LHX2: variants seen among roughly 807,000 people sequenced by gnomAD.
LHX2 encodes LIM/homeobox protein Lhx2.
Under a neutral mutation model 33.0 loss-of-function variants are expected in LHX2, and 6 were observed. The ratio of observed to expected loss-of-function variants is 0.18; its 90% CI spans 0.10 to 0.36. LHX2 has a LOEUF of 0.36. LHX2 is among the 10% of genes least tolerant of loss of function. LHX2 has a pLI of 1.00. For missense variants in LHX2, 442 were observed against 586.2 expected, an observed-to-expected ratio of 0.75 and a Z score of 2.54; for synonymous variants, 292 against 253.1, an observed-to-expected ratio of 1.15 and a Z score of -1.46.
At position 124,021,183 on chromosome 9, in the gene LHX2, C is replaced by T; in HGVS notation, c.812C>T (p.Thr271Met). ...AGCCAGAAGACCAAGCGCATGCGCA[C>T]GTCCTTCAAGCACCACCAGCTTCGG... The part of the protein sequence containing the change: ...PSSQKTKRMR[T>M]SFKHHQLRTM... Residue 271 changes from threonine (T) to methionine (M), a missense_variant, in exon 4 of 5, where the codon ACG becomes ATG. Transcript: ENST00000373615. The T allele has an allele frequency of 6.2e-7, 1 of 1,614,228 alleles. No homozygotes were observed. Among genetic ancestry groups the T allele is most frequent in the Non-Finnish European group, 8.5e-7 (1 of 1,180,040 alleles).
At chr9:124,028,280 G>A (rs567679842) in intron 4 of LHX2, among the ~76,000 whole-genome samples, 7 of 152,298 alleles carry the variant, frequency 4.6e-5, no homozygotes, top group Admixed American at 2.0e-4. Context: ...GAGATCTACC[G>A]CGCACCAGGC....
At chr9:124,025,986 AAAAT>A (rs939795190) in intron 4 of LHX2, among the ~76,000 whole-genome samples, 16 of 152,098 alleles carry the variant, frequency 1.1e-4, no homozygotes, top group African/African-American at 2.4e-4. Context: ...CTCTGTCTCC[AAAAT>A]AAATAAATAA....
intron 4 of LHX2, among the ~76,000 whole-genome samples, chr9:124,030,279 A>G (rs890172752): frequency 6.6e-6 from 1 of 152,240 alleles, no homozygotes; most frequent in Non-Finnish European, 1.5e-5. Context: ...GCGTGGGGCC[A>G]GGAGTCAGCC....
rs770816002 is a variant in LHX2 at position 124,032,724 on chromosome 9, A to G, written c.*17A>G. ...CTTTTCTAATGACTCGCAACCCCTC[A>G]CCCCACAATTTCTTTAAAAAAGAAA... On this transcript the variant is annotated 3_prime_UTR_variant, in exon 5 of 5. Transcript: ENST00000373615. The surrounding 1 kb of genome is among the most constrained non-coding windows in gnomAD (Gnocchi z 4.1). 13 of 1,528,904 alleles carry G rather than the reference A, an allele frequency of 8.5e-6. No homozygotes were observed. In the East Asian group the frequency reaches 2.6e-4, roughly 31 times the overall value. 94.7% of individuals were successfully genotyped at this position (1,528,904 alleles called of 1,614,324 possible). A position where few individuals can be genotyped will look rare whatever the true frequency, so the allele number is the denominator to read the frequency against.
In LHX2 at chr9:124,014,242, T is replaced by C; in HGVS notation, c.323+79T>C. On this transcript the variant is annotated intron_variant, in intron 2 of 4. Transcript: ENST00000373615. This position sits in a 1 kb window ranked among gnomAD's most constrained non-coding sequence, Gnocchi z 4.8. ...AGTCTTACAGTTTGGCCCTCTCCTTTCCGTTTAGTCCCAGGAGAGGGTTCA... is the reference window on the plus strand; with the variant it reads ...AGTCTTACAGTTTGGCCCTCTCCTTCCCGTTTAGTCCCAGGAGAGGGTTCA... 1 of 898,490 alleles carries C rather than the reference T, an allele frequency of 1.1e-6. No homozygotes were observed. Among genetic ancestry groups the C allele is most frequent in the Non-Finnish European group, 1.8e-6 (1 of 566,074 alleles). The allele number at this position is 898,490 out of a possible 1,614,324, so 55.7% of individuals were successfully genotyped here.
chr9:124,013,821 C>G lies in LHX2; in HGVS notation c.121-140C>G, dbSNP rs114845025. The G allele has an allele frequency of 4.5e-3, 3,310 of 738,838 alleles. 81 individuals carry two copies. In the African/African-American group the frequency reaches 0.053, roughly 12 times the overall value. The allele number at this position is 738,838 out of a possible 1,614,324, so 45.8% of individuals were successfully genotyped here. ...ATGGGCCTTTTGGGGTGGGGGGAAG[C>G]GCGCCGCATGTCCTGGCAGCCCCCT... is the stretch of plus-strand genomic sequence containing the variant. On this transcript the variant is annotated intron_variant, in intron 1 of 4. Coordinates refer to ENST00000373615, the MANE Select transcript of LHX2 (RefSeq NM_004789.4).
rs1828715625 is a variant in LHX2, at chr9:124,032,534, G to A, written c.1048G>A (p.Ala350Thr). The change falls in exon 5 of 5, where the codon GCC (alanine) becomes ACC (threonine). Residue 350 changes from alanine to threonine, a missense_variant. Around this residue, in one of 5 missense-constraint regions of LHX2, gnomAD observed 109 missense variants for 98.7 expected, o/e 1.10. Transcript: ENST00000373615. This position sits in a 1 kb window ranked among gnomAD's most constrained non-coding sequence, Gnocchi z 4.1. ...ALQTGTPSGP[A>T]SELSNASLSP... The stretch of plus-strand genomic sequence containing the variant: ...GCAGACAGGGACGCCATCGGGCCCG[G>A]CCTCGGAGCTCTCCAACGCCTCGCT... 1.2e-6 allele frequency: 2 copies of A among 1,613,802 alleles called. No homozygotes were observed. The highest frequency in any genetic ancestry group is 2.2e-5 in the South Asian group (2 of 91,076).
rs769951908 is a variant in LHX2, at chr9:124,032,531, C to CCGGCCT, written c.1049_1054dup (p.Ala350_Ser351dup). On this transcript the variant is annotated inframe_insertion, in exon 5 of 5. Transcript: ENST00000373615. This position sits in a 1 kb window ranked among gnomAD's most constrained non-coding sequence, Gnocchi z 4.1. ...GCTGCAGACAGGGACGCCATCGGGCCCGGCCTCGGAGCTCTCCAACGCCTC... is the reference window on the plus strand; with the variant it reads ...GCTGCAGACAGGGACGCCATCGGGCCCGGCCTCGGCCTCGGAGCTCTCCAACGCCTC... The CCGGCCT allele has an allele frequency of 1.9e-6, 3 of 1,613,884 alleles. No individual in the cohort carries two copies. The highest frequency in any genetic ancestry group is 1.7e-6 in the Non-Finnish European group (2 of 1,180,018).
chr9:124,025,877 C>T (rs183803448), intron 4 of LHX2, among the ~76,000 whole-genome samples: 4 of 151,464 alleles, frequency 2.6e-5, no homozygotes, highest in African/African-American at 7.3e-5. Flanking sequence ...CCCAGGTACT[C>T]GGGAGGCTGA....
intron 3 of LHX2, among the ~76,000 whole-genome samples, chr9:124,018,653 C>T (rs890992285): frequency 2.0e-5 from 3 of 152,142 alleles, no homozygotes; most frequent in Non-Finnish European, 2.9e-5. Flanking sequence ...GCGCCTGTTT[C>T]CGGGACTCGC....
At chr9:124,026,253 G>T (rs1252503657) in intron 4 of LHX2, among the ~76,000 whole-genome samples, 1 of 152,008 alleles carries the variant, frequency 6.6e-6, no homozygotes, top group Non-Finnish European at 1.5e-5. Flanking sequence ...GAGGTCAGGA[G>T]TTCAAGACCA....
intron 4 of LHX2, 60 bp downstream of exon 4, chr9:124,021,364 C>A: frequency 2.0e-6 from 3 of 1,508,470 alleles, no homozygotes; most frequent in South Asian, 1.2e-5. Context: ...TGGAACCCTG[C>A]ACCCCTCGCC....
intron 4 of LHX2, among the ~76,000 whole-genome samples, chr9:124,030,751 C>A (rs1056729278): frequency 1.3e-5 from 2 of 150,694 alleles, no homozygotes; most frequent in Non-Finnish European, 2.9e-5. Flanking sequence ...TCTGTCTCAG[C>A]CTCCCGAGTA....
intron 1 of LHX2, among the ~76,000 whole-genome samples, chr9:124,013,369 C>T (rs894285553): frequency 4.6e-5 from 7 of 152,198 alleles, no homozygotes; most frequent in South Asian, 2.1e-4. Context: ...TTGAGGGTGT[C>T]CCTGCACCCC....
Position 124,032,529 on chromosome 9 carries a change from GC to G in LHX2, c.1046del (p.Pro349ArgfsTer19), listed in dbSNP as rs1564553916. ...GCGCTGCAGACAGGGACGCCATCGGGCCCGGCCTCGGAGCTCTCCAACGCCT... is the reference window on the plus strand; with the variant it reads ...GCGCTGCAGACAGGGACGCCATCGGGCCGGCCTCGGAGCTCTCCAACGCCT... ...DAALQTGTPS[G>X]PASELSNASL... On this transcript the variant is annotated frameshift_variant, in exon 5 of 5. Coordinates refer to ENST00000373615, the MANE Select transcript of LHX2 (RefSeq NM_004789.4). LOFTEE classifies it high-confidence loss of function. This position sits in a 1 kb window ranked among gnomAD's most constrained non-coding sequence, Gnocchi z 4.1. The G allele has an allele frequency of 8.7e-6, 14 of 1,613,792 alleles. No homozygotes were observed. Among genetic ancestry groups the G allele is most frequent in the African/African-American group, 1.3e-5 (1 of 74,908 alleles).
intron 4 of LHX2, 68 bp downstream of exon 4, chr9:124,021,372 G>C: frequency 6.9e-7 from 1 of 1,458,266 alleles, no homozygotes; most frequent in Non-Finnish European, 9.4e-7. Flanking sequence ...TGCACCCCTC[G>C]CCGTGGGCCT....
rs758826943 is a variant in LHX2, at chr9:124,021,100, G to T, written c.729G>T (p.Ala243=). 2.5e-6 allele frequency: 4 copies of T among 1,613,862 alleles called. No individual in the cohort carries two copies. Among genetic ancestry groups the T allele is most frequent in the Middle Eastern group, 1.6e-4 (1 of 6,084 alleles). Residue 243 remains alanine, a splice_region_variant and synonymous_variant, in exon 4 of 5, where the codon GCG becomes GCT. Coordinates refer to ENST00000373615, the MANE Select transcript of LHX2 (RefSeq NM_004789.4). ...PGADLAAYNA[A]LSCNENDAEH... ...ACCGGCTCTGTGTCTCCTCCCTAGCGCTAAGCTGCAACGAAAACGACGCAG... is the reference window on the plus strand; with the variant it reads ...ACCGGCTCTGTGTCTCCTCCCTAGCTCTAAGCTGCAACGAAAACGACGCAG...
chr9:124,023,563 G>A (rs1272260746), intron 4 of LHX2, among the ~76,000 whole-genome samples: 1 of 152,134 alleles, frequency 6.6e-6, no homozygotes, highest in African/African-American at 2.4e-5. Flanking sequence ...TCTGTAGAAA[G>A]GGCACCATTA....
intron 3 of LHX2, among the ~76,000 whole-genome samples, chr9:124,018,626 G>T (rs1394100861): frequency 6.6e-6 from 1 of 152,072 alleles, no homozygotes; most frequent in African/African-American, 2.4e-5. Flanking sequence ...TCGGCCACCG[G>T]ACCCTCGCCA....
Sources: allele counts gnomAD v4.1 joint callset (sites outside exome capture counted in the v4.1 genomes callset), GRCh38; gene constraint gnomAD v4.1.1; regional missense constraint gnomAD v4.1.1; non-coding constraint Gnocchi (gnomAD v3.1); transcripts MANE v1.5; gene names NCBI Gene and HGNC (gene_info 2026-07-23, HGNC 2026-07-21).